The following ENPP3 variants were observed in gnomAD, a reference collection of about 807,000 sequenced individuals.
ENPP3 encodes the protein ectonucleotide pyrophosphatase/phosphodiesterase 3, also known as ectonucleotide pyrophosphatase/phosphodiesterase family member 3.
Under a neutral mutation model 117.8 loss-of-function variants are expected in ENPP3, and 104 were observed. That is an observed-to-expected ratio of 0.88 (90% confidence interval 0.75 to 1.04). ENPP3 has a LOEUF of 1.04. ENPP3 is among the 50% of genes least tolerant of loss of function. The pLI, the probability that ENPP3 is intolerant of heterozygous loss-of-function variation, is 0.00. For missense variants in ENPP3, 1,026 were observed against 1,051.9 expected, an observed-to-expected ratio of 0.98 and a Z score of 0.34; for synonymous variants, 380 against 349.9, an observed-to-expected ratio of 1.09 and a Z score of -0.96.
At chr6:131,692,154 TAAATGAGA>T (rs1779295275) in intron 14 of ENPP3, among the ~76,000 whole-genome samples, 1 of 152,086 alleles carries the variant, frequency 6.6e-6, no homozygotes, top group African/African-American at 2.4e-5. Context: ...TGGTTTAAAA[TAAATGAGA>T]AAATGAGGAA....
chr6:131,740,508 A>T lies in ENPP3; in HGVS notation c.2457+128A>T, dbSNP rs535586545. On this transcript the variant is annotated intron_variant, in intron 24 of 24. Coordinates refer to ENST00000357639, the MANE Select transcript of ENPP3 (RefSeq NM_005021.5). ...CATGGGAAAAGTTATAACACAAATG[A>T]CTTCATTTTTAGGCTTTTCCTTAGG... 7.9e-5 allele frequency: 47 copies of T among 595,236 alleles called. No homozygotes were observed. The African/African-American group carries it at 8.1e-4, about 10-fold the overall frequency. 36.9% of individuals were successfully genotyped at this position (595,236 alleles called of 1,614,324 possible).
intron 11 of ENPP3, among the ~76,000 whole-genome samples, chr6:131,681,934 G>A (rs1779031186): frequency 6.6e-6 from 1 of 152,124 alleles, no homozygotes; most frequent in Admixed American, 6.6e-5. Context: ...TGGGGTTCAA[G>A]TGATTCTCCT....
At chr6:131,735,631 A>G (rs2114565828) in intron 21 of ENPP3, among the ~76,000 whole-genome samples, 1 of 152,298 alleles carries the variant, frequency 6.6e-6, no homozygotes, top group African/African-American at 2.4e-5. Context: ...ATCCAAGTAC[A>G]GTTTAAGTAT....
At chr6:131,693,450 AT>A (rs1281643028) in intron 14 of ENPP3, 46 bp from the exon 15 acceptor site, 1 of 1,535,188 alleles carries the variant, frequency 6.5e-7, no homozygotes, top group Non-Finnish European at 8.8e-7. Flanking sequence ...TTTAAAATTA[AT>A]TTGCATATCT....
chr6:131,688,269 C>T (rs1335354054), intron 14 of ENPP3, among the ~76,000 whole-genome samples: 2 of 152,164 alleles, frequency 1.3e-5, no homozygotes, highest in South Asian at 2.1e-4. Context: ...TCCCCCTCCT[C>T]GCTTCTGGAC....
intron 2 of ENPP3, among the ~76,000 whole-genome samples, chr6:131,647,300 G>A (rs948775895): frequency 2.0e-5 from 3 of 152,050 alleles, no homozygotes; most frequent in Admixed American, 2.0e-4. Flanking sequence ...AACTTCTACT[G>A]GCATCCAGAA....
chr6:131,745,801 G>C (rs1240309486), intron 24 of ENPP3, among the ~76,000 whole-genome samples: 2 of 152,076 alleles, frequency 1.3e-5, no homozygotes. Flanking sequence ...GGAGTGCTAG[G>C]TTTAATATCT....
intron 3 of ENPP3, among the ~76,000 whole-genome samples, chr6:131,652,333 C>T (rs184126953): frequency 4.5e-4 from 69 of 152,270 alleles, no homozygotes; most frequent in South Asian, 2.7e-3. Flanking sequence ...ACCTGGGTTG[C>T]GATTTATAAA....
intron 5 of ENPP3, among the ~76,000 whole-genome samples, chr6:131,657,099 A>G (rs2114332738): frequency 1.3e-5 from 2 of 152,294 alleles, no homozygotes; most frequent in Middle Eastern, 6.8e-3. Flanking sequence ...GAATTGCAGT[A>G]GGCCACTTTA....
intron 15 of ENPP3, among the ~76,000 whole-genome samples, chr6:131,707,155 G>A: frequency 6.6e-6 from 1 of 151,456 alleles, no homozygotes; most frequent in Middle Eastern, 3.2e-3. Flanking sequence ...TGCCTGGTGA[G>A]TTGAGTTAGT....
At chr6:131,726,356 GT>G (rs1337704609) in intron 20 of ENPP3, among the ~76,000 whole-genome samples, 156 bp downstream of exon 20, 1 of 152,214 alleles carries the variant, frequency 6.6e-6, no homozygotes, top group Non-Finnish European at 1.5e-5. Context: ...GATAAAGGTT[GT>G]TATAGGTGCT....
At chr6:131,719,878 T>C (rs1050016408) in intron 16 of ENPP3, among the ~76,000 whole-genome samples, 1 of 152,132 alleles carries the variant, frequency 6.6e-6, no homozygotes, top group Non-Finnish European at 1.5e-5. Context: ...GTTAACATTT[T>C]GTGTCATGTT....
At chr6:131,673,907 A>G (rs947903261) in intron 7 of ENPP3, among the ~76,000 whole-genome samples, 2 of 152,164 alleles carry the variant, frequency 1.3e-5, no homozygotes, top group African/African-American at 4.8e-5. Context: ...GTTATATGCA[A>G]ATCCCAAGCC....
At chr6:131,734,812 G>A (rs1197001501) in intron 21 of ENPP3, among the ~76,000 whole-genome samples, 1 of 151,210 alleles carries the variant, frequency 6.6e-6, no homozygotes, top group Non-Finnish European at 1.5e-5. Context: ...TGAGGAATGA[G>A]AATGGCTTGA....
intron 2 of ENPP3, among the ~76,000 whole-genome samples, chr6:131,647,537 C>G (rs1387752448): frequency 6.6e-6 from 1 of 151,956 alleles, no homozygotes; most frequent in Non-Finnish European, 1.5e-5. Flanking sequence ...TTTAAACATA[C>G]AAAAGTAGGA....
chr6:131,702,024 T>C (rs1198504413), intron 15 of ENPP3, among the ~76,000 whole-genome samples: 1 of 152,168 alleles, frequency 6.6e-6, no homozygotes, highest in African/African-American at 2.4e-5. Context: ...TGGTCTTTTT[T>C]TAAAAAAAAT....
At chr6:131,646,238 G>A (rs566557189) in intron 2 of ENPP3, among the ~76,000 whole-genome samples, 8 of 150,802 alleles carry the variant, frequency 5.3e-5, no homozygotes, top group Non-Finnish European at 1.0e-4. Context: ...TTTTGTTGAC[G>A]CAGTATCTTC....
chr6:131,686,936 C>CCATGTCTTTG (rs1366264342), intron 14 of ENPP3, among the ~76,000 whole-genome samples: 1 of 152,110 alleles, frequency 6.6e-6, no homozygotes, highest in African/African-American at 2.4e-5. Flanking sequence ...TGGGTTGATT[C>CCATGTCTTTG]CATGTCTTTG....
chr6:131,674,345 C>T lies in ENPP3; in HGVS notation c.762+64C>T, dbSNP rs779598855. 2.0e-5 allele frequency: 30 copies of T among 1,516,744 alleles called. No individual in the cohort carries two copies. In the South Asian group the frequency reaches 2.5e-4, roughly 13 times the overall value. 94.0% of individuals were successfully genotyped at this position (1,516,744 alleles called of 1,614,324 possible). On this transcript the variant is annotated intron_variant, in intron 8 of 24. Coordinates refer to ENST00000357639, the MANE Select transcript of ENPP3 (RefSeq NM_005021.5). Reference sequence around the variant, plus strand: ...CATTTCTCAGTGTGACAGGAGGACACTCTTCTCACTCAGTGGAGCAAGTTC... The same window carrying T: ...CATTTCTCAGTGTGACAGGAGGACATTCTTCTCACTCAGTGGAGCAAGTTC...
Sources: allele counts gnomAD v4.1 joint callset (sites outside exome capture counted in the v4.1 genomes callset), GRCh38; gene constraint gnomAD v4.1.1; transcripts MANE v1.5; gene names NCBI Gene and HGNC (gene_info 2026-07-23, HGNC 2026-07-21).